Variants in CDK13 observed in about 807,000 individuals in gnomAD.
CDK13 encodes cyclin dependent kinase 13.
CDK13 carries 40 observed loss-of-function variants against 137.6 expected under a neutral mutation model. The observed-to-expected ratio is 0.29, with a 90% confidence interval of 0.23 to 0.38. The LOEUF (loss-of-function observed/expected upper bound fraction) is 0.38. Among genes scored for constraint, CDK13 ranks in the 10% least tolerant of loss-of-function variants. The pLI, the probability that CDK13 is intolerant of heterozygous loss-of-function variation, is 1.00. For missense variants in CDK13, 1,704 were observed against 1,951.8 expected (o/e 0.87, Z 2.39); for synonymous variants, 869 against 760.1 (o/e 1.14, Z -2.36).
intron 1 of CDK13, among the ~76,000 whole-genome samples, chr7:39,965,595 T>C (rs1783853290): frequency 1.3e-5 from 2 of 152,224 alleles, no homozygotes; most frequent in Admixed American, 6.5e-5. Flanking sequence ...TGTCTTTTAA[T>C]TGGAGCATTT....
At chr7:40,028,477 C>T (rs1785294630) in intron 5 of CDK13, among the ~76,000 whole-genome samples, 1 of 152,070 alleles carries the variant, frequency 6.6e-6, no homozygotes, top group African/African-American at 2.4e-5. Flanking sequence ...CTTGGCCTCC[C>T]AAAGTGCTGG....
chr7:40,028,998 A>G (rs1785306432), intron 5 of CDK13, among the ~76,000 whole-genome samples: 1 of 152,070 alleles, frequency 6.6e-6, no homozygotes, highest in South Asian at 2.1e-4. Context: ...TGACCCTTGA[A>G]CATCATGGGT....
intron 5 of CDK13, among the ~76,000 whole-genome samples, chr7:40,007,005 AG>A (rs1784808170): frequency 6.6e-6 from 1 of 152,200 alleles, no homozygotes; most frequent in South Asian, 2.1e-4. Context: ...TACTACACAG[AG>A]GGGTAGAATC....
intron 5 of CDK13, among the ~76,000 whole-genome samples, chr7:40,005,567 G>A (rs1442392842): frequency 6.6e-6 from 1 of 152,146 alleles, no homozygotes; most frequent in Non-Finnish European, 1.5e-5. Context: ...AAAGTGCTTA[G>A]ATTACAGGCG....
chr7:40,083,454 C>T (rs1051160807), intron 11 of CDK13, among the ~76,000 whole-genome samples: 2 of 152,282 alleles, frequency 1.3e-5, no homozygotes, highest in Admixed American at 1.3e-4. Context: ...TTTCACAGCA[C>T]ATTTAATCCA....
intron 5 of CDK13, among the ~76,000 whole-genome samples, chr7:40,041,058 G>A (rs1259494986): frequency 6.6e-6 from 1 of 152,180 alleles, no homozygotes; most frequent in Non-Finnish European, 1.5e-5. Flanking sequence ...AGGCACAGTG[G>A]CTCGTGCCTG....
chr7:40,017,987 TCCTG>T (rs1476458396), intron 5 of CDK13, among the ~76,000 whole-genome samples: 1 of 152,008 alleles, frequency 6.6e-6, no homozygotes, highest in Non-Finnish European at 1.5e-5. Context: ...TTTTTGTATG[TCCTG>T]CCACCATATT....
At chr7:40,074,166 CTGTGAT>C (rs1584072887) in intron 9 of CDK13, among the ~76,000 whole-genome samples, 1 of 152,202 alleles carries the variant, frequency 6.6e-6, no homozygotes, top group East Asian at 1.9e-4. Flanking sequence ...TTCCAAAGTG[CTGTGAT>C]TAGAGGCATG....
At chr7:39,989,592 C>T (rs1248566214) in intron 2 of CDK13, among the ~76,000 whole-genome samples, 5 of 151,958 alleles carry the variant, frequency 3.3e-5, no homozygotes, top group Non-Finnish European at 5.9e-5. Context: ...CCAATTTAAT[C>T]GGGTGTTATT....
chr7:39,991,818 C>G (rs1467389609), intron 2 of CDK13, among the ~76,000 whole-genome samples: 1 of 151,792 alleles, frequency 6.6e-6, no homozygotes, highest in African/African-American at 2.4e-5. Flanking sequence ...TTTGGGAAGC[C>G]AAGGTGGGCA....
chr7:40,091,355 AT>A (rs1278158258), intron 12 of CDK13, among the ~76,000 whole-genome samples: 1 of 149,862 alleles, frequency 6.7e-6, no homozygotes, highest in Non-Finnish European at 1.5e-5. Flanking sequence ...CTCAAAAAAA[AT>A]AAATAAATAA....
At chr7:40,027,535 G>A (rs901289905) in intron 5 of CDK13, among the ~76,000 whole-genome samples, 1 of 151,962 alleles carries the variant, frequency 6.6e-6, no homozygotes, top group Non-Finnish European at 1.5e-5. Flanking sequence ...AAAGCCTTCC[G>A]AATGGACAAC....
intron 3 of CDK13, chr7:39,997,927 T>G: frequency 3.0e-6 from 1 of 329,592 alleles, no homozygotes; most frequent in Non-Finnish European, 5.6e-6. Context: ...AAAGATACTT[T>G]CTGTTATTAA....
At chr7:40,021,106 T>TACACACAC (rs778814352) in intron 5 of CDK13, among the ~76,000 whole-genome samples, 5,702 of 64,960 alleles carry the variant, frequency 0.088, 227 homozygotes, top group Non-Finnish European at 0.1. Context: ...AACAAACGTA[T>TACACACAC]ATATATATAT....
chr7:39,952,586 A>G (rs1402407146), intron 1 of CDK13: 1 of 152,230 alleles, frequency 6.6e-6, no homozygotes, highest in African/African-American at 2.4e-5. Context: ...TGCTAATAAC[A>G]TTATAAATCT....
chr7:40,076,470 G>A (rs1030256319), intron 9 of CDK13, among the ~76,000 whole-genome samples: 8 of 152,082 alleles, frequency 5.3e-5, no homozygotes, highest in African/African-American at 1.9e-4. Flanking sequence ...GAGATGCATT[G>A]GGAAATGAGA....
chr7:40,013,801 C>T (rs776885857), intron 5 of CDK13, among the ~76,000 whole-genome samples: 8 of 151,930 alleles, frequency 5.3e-5, no homozygotes, highest in South Asian at 4.1e-4. Context: ...AGGAAAAAAA[C>T]GATAACTAGC....
intron 1 of CDK13, among the ~76,000 whole-genome samples, chr7:39,975,760 A>G (rs1366633241): frequency 1.3e-5 from 2 of 152,192 alleles, no homozygotes; most frequent in Non-Finnish European, 2.9e-5. Context: ...GCATGGCTGG[A>G]GTCTGGTAAA....
intron 5 of CDK13, among the ~76,000 whole-genome samples, chr7:40,008,483 A>T (rs1784836888): frequency 6.6e-6 from 1 of 152,230 alleles, no homozygotes; most frequent in South Asian, 2.1e-4. Context: ...TCAGACTAAT[A>T]CATGAATGAC....
Sources: gnomAD v4.1 joint callset for allele counts (sites outside exome capture counted in the v4.1 genomes callset) on GRCh38, gnomAD v4.1.1 for gene constraint, MANE v1.5 for transcripts, NCBI Gene and HGNC (gene_info 2026-07-23, HGNC 2026-07-21) for gene names.